Variants in AHDC1 observed in about 807,000 individuals in gnomAD.
AHDC1 encodes AT-hook DNA binding motif containing 1.
A neutral mutation model predicts 87.9 loss-of-function variants in AHDC1; 7 were observed. The observed-to-expected ratio is 0.08, with a 90% CI of 0.05 to 0.15. The LOEUF (loss-of-function observed/expected upper bound fraction) is 0.15, where lower values mean the gene tolerates loss of function less well. Ranked by LOEUF, AHDC1 falls within the 10% of genes least tolerant of loss-of-function variation. AHDC1 has a pLI of 1.00. For missense variants in AHDC1, 1,841 were observed against 2,253.2 expected, an observed-to-expected ratio of 0.82 and a Z score of 3.70; for synonymous variants, 1,051 against 1,006.8, an observed-to-expected ratio of 1.04 and a Z score of -0.83.
At chr1:27,584,901 G>A (rs2089006926) in intron 3 of AHDC1, among the ~76,000 whole-genome samples, 1 of 152,120 alleles carries the variant, frequency 6.6e-6, no homozygotes, top group Non-Finnish European at 1.5e-5. Flanking sequence ...GGACAGGCGT[G>A]GTGGCTCACA....
At chr1:27,538,364 C>A (rs1450971382) in intron 8 of AHDC1, among the ~76,000 whole-genome samples, 1 of 144,200 alleles carries the variant, frequency 6.9e-6, no homozygotes, top group Non-Finnish European at 1.5e-5. Flanking sequence ...GATCGTGCCA[C>A]TCCACTCCAG....
At chr1:27,577,837 C>T (rs1390841576) in intron 3 of AHDC1, among the ~76,000 whole-genome samples, 6 of 152,176 alleles carry the variant, frequency 3.9e-5, no homozygotes, top group Non-Finnish European at 5.9e-5. Flanking sequence ...GAACTGGGGG[C>T]CAGTGCTCAG....
At chr1:27,601,983 C>T (rs944243827) in intron 3 of AHDC1, among the ~76,000 whole-genome samples, 1 of 152,208 alleles carries the variant, frequency 6.6e-6, no homozygotes, top group African/African-American at 2.4e-5. Context: ...CCAACTGGTC[C>T]GGCGGGAAAC....
At position 27,565,207 on chromosome 1, in the gene AHDC1, G is replaced by A. The variant is rs1376588332; in HGVS notation, c.-628-6324C>T. Among the ~76,000 whole-genome samples, 1 of 149,052 alleles carries A rather than the reference G, an allele frequency of 6.7e-6. No individual in the cohort carries two copies. Among genetic ancestry groups the A allele is most frequent in the African/African-American group, 2.5e-5 (1 of 40,810 alleles). The stretch of plus-strand genomic sequence containing the variant: ...CCCACCCGCCGAGGGGGCCCAGCAT[G>A]CCTTGCGTGCAACCTGCCTCCCCCA... On this transcript the variant is annotated intron_variant, in intron 3 of 8. Coordinates refer to ENST00000673934, the MANE Select transcript of AHDC1 (RefSeq NM_001371928.1). The surrounding 1 kb of genome is among the most constrained non-coding windows in gnomAD (Gnocchi z 4.6).
chr1:27,564,964 C>A (rs567248736), intron 3 of AHDC1, among the ~76,000 whole-genome samples: 1 of 152,286 alleles, frequency 6.6e-6, no homozygotes, highest in Admixed American at 6.5e-5. Context: ...CACGACAGCA[C>A]AAGAGCCTAG....
chr1:27,547,074 C>T lies in AHDC1; in HGVS notation c.*43+187G>A, dbSNP rs562130487. 6.6e-6 allele frequency among the ~76,000 whole-genome samples: 1 copy of T among 152,036 alleles called. No individual in the cohort carries two copies. The highest frequency in any genetic ancestry group is 1.9e-4 in the East Asian group (1 of 5,160). On this transcript the variant is annotated intron_variant, in intron 8 of 8. Coordinates refer to ENST00000673934, the MANE Select transcript of AHDC1 (RefSeq NM_001371928.1). This position sits in a 1 kb window ranked among gnomAD's most constrained non-coding sequence, Gnocchi z 4.9. ...CCTGCTGAGTTCCCAGCCCAAGCAC[C>T]CCATCTCCTCCTGAGACTGTCCGCA...
intron 5 of AHDC1, among the ~76,000 whole-genome samples, chr1:27,556,922 C>T (rs1254073359): frequency 6.6e-6 from 1 of 152,022 alleles, no homozygotes; most frequent in Non-Finnish European, 1.5e-5. Context: ...ACTAGGTGTC[C>T]CCTTGGAGCC....
At position 27,547,578 on chromosome 1, in the gene AHDC1, T is replaced by G; in HGVS notation, c.4538A>C (p.Lys1513Thr). The change falls in exon 8 of 9, where the codon AAG becomes ACG. Residue 1513 changes from lysine to threonine, a missense_variant. This residue lies in a region of AHDC1 where 505 missense variants were observed against 626.2 expected (regional missense o/e 0.81). Coordinates refer to ENST00000673934, the MANE Select transcript of AHDC1 (RefSeq NM_001371928.1). This position sits in a 1 kb window ranked among gnomAD's most constrained non-coding sequence, Gnocchi z 4.9. Reference sequence around the variant, plus strand: ...CATTTCCAGTGGCTCCTTGTCGGCCTTGGGCGTGGCTGGTGGGCTAGCCAG... The same window carrying G: ...CATTTCCAGTGGCTCCTTGTCGGCCGTGGGCGTGGCTGGTGGGCTAGCCAG... ...PHLASPPATP[K>T]ADKEPLEMAR... 1 of 1,609,330 alleles carries G rather than the reference T, an allele frequency of 6.2e-7. No homozygotes were observed. Among genetic ancestry groups the G allele is most frequent in the South Asian group, 1.1e-5 (1 of 90,694 alleles).
At chr1:27,566,836 C>T (rs2020342303) in intron 3 of AHDC1, among the ~76,000 whole-genome samples, 1 of 110,996 alleles carries the variant, frequency 9.0e-6, no homozygotes, top group African/African-American at 3.7e-5. Flanking sequence ...AGGAGCAGAG[C>T]TGTCGAGGGA....
At chr1:27,570,126 C>T (rs1226209836) in intron 3 of AHDC1, among the ~76,000 whole-genome samples, 2 of 152,052 alleles carry the variant, frequency 1.3e-5, no homozygotes, top group African/African-American at 4.8e-5. Context: ...GCATGCCAAC[C>T]TTTCCCTACC....
chr1:27,602,111 C>T (rs2089544812), intron 3 of AHDC1, among the ~76,000 whole-genome samples: 1 of 152,122 alleles, frequency 6.6e-6, no homozygotes, highest in Non-Finnish European at 1.5e-5. Flanking sequence ...TTCAGCTGGC[C>T]CTGCCAGTCA....
In AHDC1 at chr1:27,551,141, C is replaced by A. The variant is rs774300366; in HGVS notation, c.975G>T (p.Glu325Asp). Residue 325 changes from glutamate to aspartate, a missense_variant, in exon 8 of 9, where the codon GAG becomes GAT. Transcript: ENST00000673934. ...QALDTLPDSL[E>D]SQLLDPQALD... ...GTGCCTGGGGGTCAAGCAGCTGCGACTCCAAGGAGTCAGGCAGGGTGTCCA... is the reference window on the plus strand; with the variant it reads ...GTGCCTGGGGGTCAAGCAGCTGCGAATCCAAGGAGTCAGGCAGGGTGTCCA... 1 of 1,601,726 alleles carries A rather than the reference C, an allele frequency of 6.2e-7. No homozygotes were observed. Among genetic ancestry groups the A allele is most frequent in the South Asian group, 1.1e-5 (1 of 90,186 alleles).
At chr1:27,574,125 A>G (rs2088629839) in intron 3 of AHDC1, among the ~76,000 whole-genome samples, 1 of 152,158 alleles carries the variant, frequency 6.6e-6, no homozygotes, top group Non-Finnish European at 1.5e-5. Context: ...AGATGAGAGG[A>G]AGAGGAAAGC....
chr1:27,571,903 G>A (rs1442186403), intron 3 of AHDC1, among the ~76,000 whole-genome samples: 1 of 152,162 alleles, frequency 6.6e-6, no homozygotes, highest in Non-Finnish European at 1.5e-5. Context: ...CAGCAGCCGC[G>A]TGAATGGAAA....
intron 3 of AHDC1, among the ~76,000 whole-genome samples, chr1:27,599,551 T>C (rs72886332): frequency 0.068 from 10,289 of 152,238 alleles, 1,194 homozygotes; most frequent in African/African-American, 0.23. Context: ...CCCAGCCTGG[T>C]CTTGCCAAAG....
chr1:27,576,319 C>T (rs992218708), intron 3 of AHDC1, among the ~76,000 whole-genome samples: 9 of 152,148 alleles, frequency 5.9e-5, no homozygotes, highest in African/African-American at 4.8e-5. Flanking sequence ...CCTCCGTTTT[C>T]CTTATTAAAA....
In AHDC1 at chr1:27,595,242, T is replaced by C. The variant is rs1486631873; in HGVS notation, c.-629+8155A>G. Among the ~76,000 whole-genome samples the C allele has an allele frequency of 6.6e-6, 1 of 151,664 alleles. No homozygotes were observed. Among genetic ancestry groups the C allele is most frequent in the Non-Finnish European group, 1.5e-5 (1 of 67,906 alleles). ...GGGGGAGGCTGTATGTTTGGAAAGG[T>C]ATAGGGGATGATACCGGTGTTTGGG... On this transcript the variant is annotated intron_variant, in intron 3 of 8. Coordinates refer to ENST00000673934, the MANE Select transcript of AHDC1 (RefSeq NM_001371928.1). The surrounding 1 kb of genome is among the most constrained non-coding windows in gnomAD (Gnocchi z 4.0).
At chr1:27,586,076 C>A (rs2089048015) in intron 3 of AHDC1, among the ~76,000 whole-genome samples, 1 of 152,196 alleles carries the variant, frequency 6.6e-6, no homozygotes, top group South Asian at 2.1e-4. Context: ...GGGAAAGGAG[C>A]TGCTGTTAAA....
rs375768969 is a variant in AHDC1 at position 27,563,547 on chromosome 1, C to G, written c.-628-4664G>C. On this transcript the variant is annotated intron_variant, in intron 3 of 8. Coordinates refer to ENST00000673934, the MANE Select transcript of AHDC1 (RefSeq NM_001371928.1). The surrounding 1 kb of genome is among the most constrained non-coding windows in gnomAD (Gnocchi z 6.1). ...GGACAGGTGACAGCCCACCTCACCC[C>G]TCCCCCATCACTGTCACCAGCCTGG... 6.6e-6 allele frequency among the ~76,000 whole-genome samples: 1 copy of G among 152,182 alleles called. No individual in the cohort carries two copies. Among genetic ancestry groups the G allele is most frequent in the South Asian group, 2.1e-4 (1 of 4,836 alleles).
Sources: gnomAD v4.1 joint callset for allele counts (sites outside exome capture counted in the v4.1 genomes callset) on GRCh38, gnomAD v4.1.1 for gene constraint, gnomAD v4.1.1 regional missense constraint, Gnocchi (gnomAD v3.1) non-coding constraint, MANE v1.5 for transcripts, NCBI Gene and HGNC (gene_info 2026-07-23, HGNC 2026-07-21) for gene names.